The following KCNK3 variants were observed in gnomAD, a reference collection of about 807,000 sequenced individuals.
KCNK3 encodes the protein potassium two pore domain channel subfamily K member 3.
In KCNK3, 9 loss-of-function variants were observed where a neutral mutation model predicts 27.3. That is an observed-to-expected ratio of 0.33 (90% CI 0.20 to 0.57). KCNK3 has a LOEUF of 0.57. Among genes scored for constraint, KCNK3 ranks in the 20% least tolerant of loss-of-function variants. The pLI is 0.87. For missense variants in KCNK3, 391 were observed against 577.7 expected (o/e 0.68, Z 3.31); for synonymous variants, 278 against 273.8 (o/e 1.02, Z -0.15).
chr2:26,722,392 T>C (rs968897495), intron 1 of KCNK3, among the ~76,000 whole-genome samples: 1 of 152,242 alleles, frequency 6.6e-6, no homozygotes, highest in Non-Finnish European at 1.5e-5. Flanking sequence ...TAATAATTCA[T>C]ATTTATTGAT....
chr2:26,723,941 C>T (rs1324415462), intron 1 of KCNK3, among the ~76,000 whole-genome samples: 2 of 152,228 alleles, frequency 1.3e-5, no homozygotes, highest in African/African-American at 2.4e-5. Context: ...AGATGCAGCC[C>T]CTCACCCAGA....
At chr2:26,725,224 C>G (rs1423205647) in intron 1 of KCNK3, among the ~76,000 whole-genome samples, 1 of 152,278 alleles carries the variant, frequency 6.6e-6, no homozygotes, top group South Asian at 2.1e-4. Flanking sequence ...GTCACCCTTC[C>G]CCTGTGAGAT....
chr2:26,714,179 AT>A (rs1330220432), intron 1 of KCNK3, among the ~76,000 whole-genome samples: 1 of 151,948 alleles, frequency 6.6e-6, no homozygotes, highest in African/African-American at 2.4e-5. Flanking sequence ...TGGACACTTT[AT>A]TTTACATGCT....
At position 26,729,339 on chromosome 2, in the gene KCNK3, C is replaced by T. The variant is rs1663493891; in HGVS notation, c.*771C>T. On this transcript the variant is annotated 3_prime_UTR_variant, in exon 2 of 2. Coordinates refer to ENST00000302909, the MANE Select transcript of KCNK3 (RefSeq NM_002246.3). The stretch of plus-strand genomic sequence containing the variant: ...TGCCCTTAGAATCTGGAACAGAAGA[C>T]TTCAGACTCACCATAATTGCTGATA... The T allele has an allele frequency of 6.6e-6, 1 of 152,252 alleles. No individual in the cohort carries two copies. Among genetic ancestry groups the T allele is most frequent in the Non-Finnish European group, 1.5e-5 (1 of 68,064 alleles). The allele number at this position is 152,252 out of a possible 1,614,324, so 9.4% of individuals were successfully genotyped here.
At chr2:26,700,150 A>C (rs982158844) in intron 1 of KCNK3, among the ~76,000 whole-genome samples, 9 of 152,226 alleles carry the variant, frequency 5.9e-5, no homozygotes, top group African/African-American at 1.9e-4. Flanking sequence ...TGGAGACTAA[A>C]ATCCAGGCTG....
At chr2:26,695,655 C>A (rs1403477706) in intron 1 of KCNK3, among the ~76,000 whole-genome samples, 1 of 152,214 alleles carries the variant, frequency 6.6e-6, no homozygotes, top group Non-Finnish European at 1.5e-5. Flanking sequence ...TACCCAGAGG[C>A]TGTGAGCACA....
intron 1 of KCNK3, among the ~76,000 whole-genome samples, chr2:26,712,432 C>A (rs948093048): frequency 1.3e-5 from 2 of 152,110 alleles, no homozygotes; most frequent in African/African-American, 4.8e-5. Context: ...AGTCTGTGTC[C>A]CCTTGGCTGG....
intron 1 of KCNK3, 97 bp from the exon 2 acceptor site, chr2:26,727,570 T>C: frequency 6.8e-7 from 1 of 1,481,096 alleles, no homozygotes; most frequent in Non-Finnish European, 9.0e-7. Flanking sequence ...ACCCACAAGG[T>C]GGGGGAGGTG....
chr2:26,698,151 C>T (rs941322274), intron 1 of KCNK3, among the ~76,000 whole-genome samples: 3 of 152,160 alleles, frequency 2.0e-5, no homozygotes, highest in African/African-American at 7.2e-5. Flanking sequence ...AGGCCTCTGG[C>T]AGCTCATCAC....
intron 1 of KCNK3, among the ~76,000 whole-genome samples, chr2:26,714,640 C>T (rs1435412618): frequency 2.6e-5 from 4 of 151,218 alleles, no homozygotes; most frequent in Admixed American, 2.0e-4. Flanking sequence ...AATCCCAGTA[C>T]TTTGGGAGGC....
intron 1 of KCNK3, among the ~76,000 whole-genome samples, chr2:26,717,578 T>C (rs1019037411): frequency 1.1e-4 from 16 of 152,348 alleles, no homozygotes; most frequent in Non-Finnish European, 1.5e-4. Context: ...CCTGGTGGAT[T>C]CATTTAATTA....
chr2:26,706,861 T>C (rs1670381359), intron 1 of KCNK3, among the ~76,000 whole-genome samples: 1 of 152,032 alleles, frequency 6.6e-6, no homozygotes, highest in Non-Finnish European at 1.5e-5. Context: ...GCTCCTCTGC[T>C]CCCACCTGGC....
chr2:26,728,515 C>A lies in KCNK3; in HGVS notation c.1132C>A (p.Leu378Met). 1 of 1,495,910 alleles carries A rather than the reference C, an allele frequency of 6.7e-7. No individual in the cohort carries two copies. The highest frequency in any genetic ancestry group is 2.2e-5 in the Admixed American group (1 of 45,640). The allele number at this position is 1,495,910 out of a possible 1,614,324, so 92.7% of individuals were successfully genotyped here. Residue 378 changes from leucine (L) to methionine (M), a missense_variant, in exon 2 of 2, where the codon CTG becomes ATG. Physicochemically the swap from Leu to Met is conservative, Grantham distance 15. This residue lies in a region of KCNK3 where 192 missense variants were observed against 196.0 expected (regional missense o/e 0.98). Coordinates refer to ENST00000302909, the MANE Select transcript of KCNK3 (RefSeq NM_002246.3). ...CGCCATCAGCTCGGTGTCCACGGGTCTGCACAGCCTGTCCACCTTCCGCGG... is the reference window on the plus strand; with the variant it reads ...CGCCATCAGCTCGGTGTCCACGGGTATGCACAGCCTGTCCACCTTCCGCGG... ...RSAISSVSTG[L>M]HSLSTFRGLM...
chr2:26,728,344 CTGCAGTACT>C lies in KCNK3; in HGVS notation c.962_970del (p.Leu321_Ser324delinsPro). The C allele has an allele frequency of 6.2e-7, 1 of 1,605,906 alleles. No homozygotes were observed. On this transcript the variant is annotated inframe_deletion, in exon 2 of 2. Coordinates refer to ENST00000302909, the MANE Select transcript of KCNK3 (RefSeq NM_002246.3). ...CCTGTGGTACAAGAGCCGCGAGAAG[CTGCAGTACT>C]CCATCCCCATGATCATCCCGCGGGA...
At chr2:26,704,681 C>A (rs1670350512) in intron 1 of KCNK3, among the ~76,000 whole-genome samples, 1 of 152,230 alleles carries the variant, frequency 6.6e-6, no homozygotes, top group African/African-American at 2.4e-5. Context: ...GTCTAGTCCC[C>A]CTGCCCGTGC....
At chr2:26,717,969 C>G (rs1439383568) in intron 1 of KCNK3, among the ~76,000 whole-genome samples, 15 of 152,212 alleles carry the variant, frequency 9.9e-5, no homozygotes, top group Non-Finnish European at 1.5e-5. Flanking sequence ...ATGAGAACCC[C>G]TGTCCTCATG....
rs531461997 is a variant in KCNK3, at chr2:26,702,510, T to A, written c.283+9352T>A. Among the ~76,000 whole-genome samples the A allele has an allele frequency of 6.1e-4, 93 of 152,138 alleles. 1 individual carries two copies. In the South Asian group the frequency reaches 0.018, roughly 30 times the overall value. On this transcript the variant is annotated intron_variant, in intron 1 of 1. Transcript: ENST00000302909. ...TCTTGCTCTGAGTGTGTCCAAGGGG[T>A]TGAACCAGCAGCAGTGGGTAAAGCT...
chr2:26,721,935 G>A lies in KCNK3; in HGVS notation c.284-5732G>A, dbSNP rs962110267. The stretch of plus-strand genomic sequence containing the variant: ...GTGGTTTCTAATCTACAGAAGGGCT[G>A]GGCCACCCAGAGAAGGAGATCAAAG... On this transcript the variant is annotated intron_variant, in intron 1 of 1. Coordinates refer to ENST00000302909, the MANE Select transcript of KCNK3 (RefSeq NM_002246.3). The surrounding 1 kb of genome is among the most constrained non-coding windows in gnomAD (Gnocchi z 4.3). Among the ~76,000 whole-genome samples, 1 of 152,212 alleles carries A rather than the reference G, an allele frequency of 6.6e-6. No individual in the cohort carries two copies. Among genetic ancestry groups the A allele is most frequent in the African/African-American group, 2.4e-5 (1 of 41,460 alleles).
intron 1 of KCNK3, among the ~76,000 whole-genome samples, chr2:26,712,230 C>T (rs1437235352): frequency 6.6e-6 from 1 of 152,186 alleles, no homozygotes; most frequent in African/African-American, 2.4e-5. Context: ...TGGGTACTGC[C>T]TCCCTGTCTC....
Sources: gnomAD v4.1 joint callset for allele counts (sites outside exome capture counted in the v4.1 genomes callset) on GRCh38, gnomAD v4.1.1 for gene constraint, gnomAD v4.1.1 regional missense constraint, Gnocchi (gnomAD v3.1) non-coding constraint, MANE v1.5 for transcripts, NCBI Gene and HGNC (gene_info 2026-07-23, HGNC 2026-07-21) for gene names.